C1orf159: variants seen among roughly 807,000 people sequenced by gnomAD.
C1orf159 encodes the protein chromosome 1 open reading frame 159, also known as uncharacterized protein C1orf159.
Under a neutral mutation model 25.6 loss-of-function variants are expected in C1orf159, and 19 were observed. The ratio of observed to expected loss-of-function variants is 0.74; its 90% CI spans 0.52 to 1.09. The LOEUF is 1.09. Ranked by LOEUF, C1orf159 falls within the 50% of genes least tolerant of loss-of-function variation. The probability of loss-of-function intolerance (pLI) is 0.00; values close to 1 mark genes in which losing one functional copy is unlikely to be tolerated. For missense variants in C1orf159, 274 were observed against 290.6 expected, an observed-to-expected ratio of 0.94 and a Z score of 0.42; for synonymous variants, 139 against 124.7, an observed-to-expected ratio of 1.12 and a Z score of -0.77.
chr1:1,102,834 T>G (rs1020104535), intron 1 of C1orf159, among the ~76,000 whole-genome samples: 19 of 151,744 alleles, frequency 1.3e-4, no homozygotes, highest in African/African-American at 4.6e-4. Context: ...GATCTTGTTT[T>G]TTTTTGAGAC....
chr1:1,109,807 C>T (rs1303806002), intron 1 of C1orf159, among the ~76,000 whole-genome samples: 1 of 152,128 alleles, frequency 6.6e-6, no homozygotes, highest in Admixed American at 6.5e-5. Context: ...ACATGTAAGA[C>T]AATTAGGCCC....
At chr1:1,114,882 G>A (rs1570347183) in intron 1 of C1orf159, 1 of 151,956 alleles carries the variant, frequency 6.6e-6, no homozygotes, top group Non-Finnish European at 1.5e-5. Flanking sequence ...GGGTGGGAGG[G>A]GGACAAGGAT....
At chr1:1,112,479 C>T (rs919312814) in intron 1 of C1orf159, among the ~76,000 whole-genome samples, 9 of 149,602 alleles carry the variant, frequency 6.0e-5, no homozygotes, top group Non-Finnish European at 1.2e-4. Flanking sequence ...GAACACACGG[C>T]ACATGCTACC....
At chr1:1,115,866 A>C (rs1255908815) in intron 1 of C1orf159, among the ~76,000 whole-genome samples, 194 bp downstream of exon 1, 1 of 148,494 alleles carries the variant, frequency 6.7e-6, no homozygotes, top group African/African-American at 2.5e-5. Flanking sequence ...GGCGGCGACG[A>C]GGACGCGGGC....
intron 1 of C1orf159, among the ~76,000 whole-genome samples, chr1:1,105,171 A>C (rs1646153840): frequency 6.6e-6 from 1 of 152,244 alleles, no homozygotes; most frequent in African/African-American, 2.4e-5. Context: ...AACACTCAAC[A>C]AATATGTTCA....
intron 1 of C1orf159, among the ~76,000 whole-genome samples, chr1:1,111,376 A>AAG (rs1193774804): frequency 1.3e-5 from 2 of 150,800 alleles, no homozygotes; most frequent in African/African-American, 5.0e-5. Flanking sequence ...AAAAAAAAAA[A>AAG]AAAAAAAAAA....
At chr1:1,095,076 C>A (rs1203823044) in intron 1 of C1orf159, among the ~76,000 whole-genome samples, 2 of 152,228 alleles carry the variant, frequency 1.3e-5, no homozygotes, top group South Asian at 2.1e-4. Context: ...GTTCCACTCA[C>A]CTGTGTGTCT....
chr1:1,114,836 A>G (rs1461750538), intron 1 of C1orf159, among the ~76,000 whole-genome samples: 1 of 150,988 alleles, frequency 6.6e-6, no homozygotes, highest in African/African-American at 2.4e-5. Flanking sequence ...AAGACGCCTA[A>G]GAACGATACA....
At chr1:1,101,051 G>T (rs550304024) in intron 1 of C1orf159, among the ~76,000 whole-genome samples, 1 of 152,156 alleles carries the variant, frequency 6.6e-6, no homozygotes, top group Admixed American at 6.5e-5. Context: ...ATTTCCGGTA[G>T]CACAATTTGA....
chr1:1,098,132 G>A (rs767482445), intron 1 of C1orf159, among the ~76,000 whole-genome samples: 3 of 151,622 alleles, frequency 2.0e-5, no homozygotes, highest in Non-Finnish European at 4.4e-5. Context: ...GCAGTGGTGC[G>A]ATCTTGGCTC....
At chr1:1,092,255 TC>T (rs1645951480) in intron 1 of C1orf159, 152 bp from the exon 2 acceptor site, 2 of 252,352 alleles carry the variant, frequency 7.9e-6, no homozygotes, top group East Asian at 2.8e-4. Context: ...GGAGGGGCTG[TC>T]TCCACGAGTG....
At chr1:1,083,857 GCTGTGCGCCGGTCACTCAGCCTGTGT>G in intron 9 of C1orf159, 1 of 1,450,166 alleles carries the variant, frequency 6.9e-7, no homozygotes, top group Non-Finnish European at 9.4e-7. Context: ...GAGCTGTGTG[GCTGTGCGCCGGTCACTCAGCCTGTGT>G]CTGTGGCCCC....
chr1:1,100,982 G>A (rs1034841596), intron 1 of C1orf159, among the ~76,000 whole-genome samples: 1 of 152,042 alleles, frequency 6.6e-6, no homozygotes, highest in African/African-American at 2.4e-5. Flanking sequence ...TACTAATTTT[G>A]ATGTTCATCA....
At chr1:1,090,316 G>GGCC in intron 4 of C1orf159, 37 bp downstream of exon 4, 1 of 1,546,852 alleles carries the variant, frequency 6.5e-7, no homozygotes, top group Non-Finnish European at 8.7e-7. Context: ...GTGGCTCAGG[G>GGCC]GCCGGTCTGG....
intron 1 of C1orf159, among the ~76,000 whole-genome samples, chr1:1,114,801 C>G (rs1410352090): frequency 6.6e-6 from 1 of 152,008 alleles, no homozygotes; most frequent in Non-Finnish European, 1.5e-5. Context: ...CGAGGGTTTC[C>G]CAGGTTAAGC....
intron 1 of C1orf159, among the ~76,000 whole-genome samples, chr1:1,098,883 A>T (rs1433627693): frequency 6.6e-6 from 1 of 152,214 alleles, no homozygotes; most frequent in South Asian, 2.1e-4. Context: ...AAGTGCCTGG[A>T]TTACAAGCTT....
intron 7 of C1orf159, among the ~76,000 whole-genome samples, 166 bp downstream of exon 7, chr1:1,085,712 G>A (rs941568191): frequency 3.9e-5 from 6 of 152,194 alleles, no homozygotes; most frequent in African/African-American, 1.4e-4. Flanking sequence ...GGGAAGTGAC[G>A]GGCCTTCTCA....
chr1:1,102,909 A>C (rs572292433), intron 1 of C1orf159, among the ~76,000 whole-genome samples: 1 of 151,892 alleles, frequency 6.6e-6, no homozygotes, highest in African/African-American at 2.4e-5. Context: ...GGCTCACTGC[A>C]GCCTCTGCCT....
intron 6 of C1orf159, 150 bp from the exon 7 acceptor site, chr1:1,086,162 A>G (rs566628549): frequency 9.7e-6 from 10 of 1,034,438 alleles, no homozygotes; most frequent in Middle Eastern, 3.2e-4. Flanking sequence ...GGCTCTGCAC[A>G]TGGGCCTGGG....
Sources: allele counts gnomAD v4.1 joint callset (sites outside exome capture counted in the v4.1 genomes callset), GRCh38; gene constraint gnomAD v4.1.1; transcripts MANE v1.5; gene names NCBI Gene and HGNC (gene_info 2026-07-23, HGNC 2026-07-21).